Variants in UBE2F observed in about 807,000 individuals in gnomAD.
The protein encoded by UBE2F is ubiquitin conjugating enzyme E2 F (putative), also known as NEDD8-conjugating enzyme UBE2F.
In UBE2F, 5 loss-of-function variants were observed where a neutral mutation model predicts 29.6. That is an observed-to-expected ratio of 0.17 (90% CI 0.09 to 0.36). UBE2F has a LOEUF of 0.36. Among genes scored for constraint, UBE2F ranks in the 10% least tolerant of loss-of-function variants. The probability of loss-of-function intolerance (pLI) is 1.00; values close to 1 mark genes in which losing one functional copy is unlikely to be tolerated. For missense variants in UBE2F, 141 were observed against 228.5 expected (o/e 0.62, Z 2.47); for synonymous variants, 66 against 81.8 (o/e 0.81, Z 1.04).
At chr2:238,003,534 A>G (rs2063840620) in intron 4 of UBE2F, 1 of 359,172 alleles carries the variant, frequency 2.8e-6, no homozygotes, top group Non-Finnish European at 5.9e-6. Flanking sequence ...TGAAGTGAGT[A>G]TGACATGAAT....
chr2:238,004,312 T>C (rs937645985), intron 4 of UBE2F, among the ~76,000 whole-genome samples: 1 of 152,224 alleles, frequency 6.6e-6, no homozygotes, highest in Non-Finnish European at 1.5e-5. Context: ...TACATGGTGG[T>C]ATTTAATTGT....
At chr2:237,968,726 A>G (rs1416801660) in intron 1 of UBE2F, 11 of 410,124 alleles carry the variant, frequency 2.7e-5, no homozygotes, top group Non-Finnish European at 3.6e-5. Context: ...CAGAGGAGGA[A>G]CCTAACTGGG....
chr2:238,009,875 T>G (rs538462475), intron 4 of UBE2F, among the ~76,000 whole-genome samples: 1 of 152,360 alleles, frequency 6.6e-6, no homozygotes, highest in South Asian at 2.1e-4. Context: ...TATATTACTC[T>G]TTGAAATGTT....
At chr2:237,988,637 G>A (rs987047900) in intron 3 of UBE2F, among the ~76,000 whole-genome samples, 18 of 148,326 alleles carry the variant, frequency 1.2e-4, no homozygotes, top group African/African-American at 4.3e-4. Context: ...AAAAAAAAGA[G>A]CAAGGTTCTG....
At position 238,015,166 on chromosome 2, in the gene UBE2F, T is replaced by G. The variant is rs564481177; in HGVS notation, c.215-1400T>G. The stretch of plus-strand genomic sequence containing the variant: ...AATCTTGGTTGGGAAAGGCCTTTTC[T>G]AAGCATGACCCCAAAGACAGAAACC... On this transcript the variant is annotated intron_variant, in intron 4 of 9. Transcript: ENST00000272930. 3.3e-5 allele frequency among the ~76,000 whole-genome samples: 5 copies of G among 152,350 alleles called. No individual in the cohort carries two copies. In the South Asian group the frequency reaches 1.0e-3, roughly 32 times the overall value.
chr2:237,976,414 T>TA (rs1241496720), intron 2 of UBE2F, among the ~76,000 whole-genome samples: 1 of 152,242 alleles, frequency 6.6e-6, no homozygotes, highest in Admixed American at 6.5e-5. Context: ...ACTGAGCACT[T>TA]AGGGCCAGGC....
At chr2:237,968,280 G>T (rs1322416519) in intron 1 of UBE2F, among the ~76,000 whole-genome samples, 3 of 152,134 alleles carry the variant, frequency 2.0e-5, no homozygotes, top group Non-Finnish European at 2.9e-5. Flanking sequence ...GGACATACCT[G>T]CCTTTCAGGT....
At chr2:237,979,292 T>A (rs1270246914) in intron 2 of UBE2F, among the ~76,000 whole-genome samples, 1 of 152,212 alleles carries the variant, frequency 6.6e-6, no homozygotes, top group African/African-American at 2.4e-5. Context: ...CCCATCTGCC[T>A]GAGCTTCCCA....
intron 5 of UBE2F, chr2:238,025,111 C>T (rs1294806425): frequency 1.9e-5 from 10 of 529,718 alleles, no homozygotes; most frequent in South Asian, 8.0e-5. Flanking sequence ...CAGAAGCCCA[C>T]GGGTAGACTT....
At chr2:237,970,565 C>T (rs961929282) in intron 1 of UBE2F, among the ~76,000 whole-genome samples, 4 of 152,026 alleles carry the variant, frequency 2.6e-5, no homozygotes, top group Non-Finnish European at 4.4e-5. Flanking sequence ...AGCTTATGAC[C>T]GTGAAAGTGC....
chr2:237,973,012 A>G, intron 1 of UBE2F, 80 bp from the exon 2 acceptor site: 1 of 1,440,692 alleles, frequency 6.9e-7, no homozygotes, highest in Non-Finnish European at 9.3e-7. Flanking sequence ...AAAATACAAA[A>G]GCACTTATAC....
intron 4 of UBE2F, among the ~76,000 whole-genome samples, chr2:238,013,985 C>T (rs151129039): frequency 3.9e-5 from 6 of 152,288 alleles, no homozygotes; most frequent in East Asian, 1.9e-4. Flanking sequence ...CCACGGTGCA[C>T]GTGTAGTTAC....
intron 5 of UBE2F, among the ~76,000 whole-genome samples, chr2:238,017,369 G>A (rs2064181117): frequency 6.6e-6 from 1 of 152,196 alleles, no homozygotes; most frequent in Non-Finnish European, 1.5e-5. Flanking sequence ...AGGTGACATG[G>A]AAACATGATG....
chr2:237,997,743 T>G (rs1383440286), intron 4 of UBE2F, among the ~76,000 whole-genome samples: 1 of 152,218 alleles, frequency 6.6e-6, no homozygotes, highest in Non-Finnish European at 1.5e-5. Context: ...CTTGCTAACA[T>G]TTTGATAGTT....
intron 2 of UBE2F, among the ~76,000 whole-genome samples, chr2:237,977,112 C>G (rs2063297270): frequency 6.6e-6 from 1 of 152,192 alleles, no homozygotes; most frequent in Non-Finnish European, 1.5e-5. Context: ...CCACTAAGAC[C>G]TACCAACCTG....
intron 5 of UBE2F, among the ~76,000 whole-genome samples, chr2:238,017,982 C>T (rs115077292): frequency 0.018 from 2,716 of 152,254 alleles, 73 homozygotes; most frequent in African/African-American, 0.063. Flanking sequence ...CGGACTACTC[C>T]ATTTAAGGTT....
chr2:237,994,606 G>T (rs2063654702), intron 3 of UBE2F, 138 bp from the exon 4 acceptor site: 1 of 642,546 alleles, frequency 1.6e-6, no homozygotes, highest in African/African-American at 1.8e-5. Flanking sequence ...AGACAAATAG[G>T]GAGGGAGATC....
In UBE2F at chr2:237,967,851, G is replaced by A. The variant is rs2063090691; in HGVS notation, c.-17+719G>A. ...CTGCTGGTGTGTCATCTTGGGTGTG[G>A]CCTTCCCCTCCCTGGGCTCAGTTTC... On this transcript the variant is annotated intron_variant, in intron 1 of 9. Transcript: ENST00000272930. This position sits in a 1 kb window ranked among gnomAD's most constrained non-coding sequence, Gnocchi z 6.3. Among the ~76,000 whole-genome samples the A allele has an allele frequency of 6.6e-6, 1 of 152,172 alleles. No individual in the cohort carries two copies. The highest frequency in any genetic ancestry group is 1.5e-5 in the Non-Finnish European group (1 of 68,024).
At chr2:238,030,275 T>C (rs904695693) in intron 6 of UBE2F, among the ~76,000 whole-genome samples, 3 of 152,148 alleles carry the variant, frequency 2.0e-5, no homozygotes, top group South Asian at 2.1e-4. Flanking sequence ...AAATGTTCTT[T>C]GTGTGTTGTT....
Sources: gnomAD v4.1 joint callset for allele counts (sites outside exome capture counted in the v4.1 genomes callset) on GRCh38, gnomAD v4.1.1 for gene constraint, Gnocchi (gnomAD v3.1) non-coding constraint, MANE v1.5 for transcripts, NCBI Gene and HGNC (gene_info 2026-07-23, HGNC 2026-07-21) for gene names.